GGT1: variants seen among roughly 807,000 people sequenced by gnomAD.
GGT1 encodes glutathione hydrolase 1 proenzyme.
In GGT1, 21 loss-of-function variants were observed where a neutral mutation model predicts 56.0. That is an observed-to-expected ratio of 0.38 (90% confidence interval 0.27 to 0.54). GGT1 has a LOEUF of 0.54. GGT1 is among the 20% of genes least tolerant of loss of function. The pLI is 0.82. For missense variants in GGT1, 466 were observed against 787.0 expected (o/e 0.59, Z 4.88); for synonymous variants, 238 against 342.6 (o/e 0.69, Z 3.37).
chr22:24,622,436 C>T (rs188573742), intron 9 of GGT1, among the ~76,000 whole-genome samples: 4 of 151,484 alleles, frequency 2.6e-5, no homozygotes, highest in Admixed American at 6.6e-5. Context: ...TGGTGGCGGG[C>T]GCCTGCAGTC....
At chr22:24,608,072 C>G in intron 2 of GGT1, 49 bp downstream of exon 2, 1 of 461,486 alleles carries the variant, frequency 2.2e-6, no homozygotes, top group Non-Finnish European at 4.5e-6. Flanking sequence ...TGAGGCCAAC[C>G]ATGGCAGCTG....
At position 24,628,229 on chromosome 22, in the gene GGT1, C is replaced by T. The variant is rs746459765; in HGVS notation, c.1449+36C>T. ...CACCTTTTCTCCCTGGCCGTGCCCA[C>T]CCTGCACAGCCCCCAAGCCATGCTG... On this transcript the variant is annotated intron_variant, in intron 14 of 15. Transcript: ENST00000400382. This position sits in a 1 kb window ranked among gnomAD's most constrained non-coding sequence, Gnocchi z 5.7. The T allele has an allele frequency of 5.0e-5, 80 of 1,612,016 alleles. No individual in the cohort carries two copies. The Middle Eastern group carries it at 6.8e-4, about 14-fold the overall frequency.
chr22:24,585,958 G>A, the GGT1 span: 10 of 1,609,462 alleles, frequency 6.2e-6, no homozygotes, highest in African/African-American at 5.3e-5. Context: ...AGGCAGGGGT[G>A]GTGGCCCCGG....
chr22:24,625,602 C>T (rs1329562505), intron 11 of GGT1, among the ~76,000 whole-genome samples: 5 of 151,344 alleles, frequency 3.3e-5, no homozygotes, highest in African/African-American at 4.9e-5. Flanking sequence ...AGTGCAGTGG[C>T]GCTATCTCGG....
intron 7 of GGT1, among the ~76,000 whole-genome samples, chr22:24,615,330 T>G (rs1417944838): frequency 1.3e-5 from 2 of 152,180 alleles, no homozygotes; most frequent in African/African-American, 2.4e-5. Flanking sequence ...TTCTGTTATT[T>G]CTGCTAAGGC....
At chr22:24,593,001 A>C (rs1482138408), upstream of GGT1, 4 of 1,136,242 alleles carry the variant, frequency 3.5e-6, no homozygotes, top group Non-Finnish European at 4.3e-6. Flanking sequence ...CCTCAGAGCC[A>C]GCCTCGGGCC....
At chr22:24,592,606 T>C, upstream of GGT1, 1 of 523,496 alleles carries the variant, frequency 1.9e-6, no homozygotes, top group Non-Finnish European at 3.3e-6. Flanking sequence ...CCGGACACAC[T>C]CAGCAGCCCC....
chr22:24,589,646 G>A, the GGT1 span: 3 of 735,806 alleles, frequency 4.1e-6, no homozygotes, highest in Admixed American at 3.4e-5. Context: ...GCTCTAGCTG[G>A]TGGCCAGCCT....
chr22:24,620,074 A>G lies in GGT1; in HGVS notation c.383-254A>G, dbSNP rs539058475. ...TAAAAATTAAAAATCCCCTTCTGCT[A>G]GGTGTGCTGTTCACGCCTGTAATCT... On this transcript the variant is annotated intron_variant, in intron 7 of 15. Transcript: ENST00000400382. This position sits in a 1 kb window ranked among gnomAD's most constrained non-coding sequence, Gnocchi z 5.6. 0.027 allele frequency among the ~76,000 whole-genome samples: 4,156 copies of G among 152,036 alleles called. 196 individuals are homozygous for G. The highest frequency in any genetic ancestry group is 0.095 in the African/African-American group (3,942 of 41,476).
upstream of GGT1, among the ~76,000 whole-genome samples, chr22:24,600,515 C>G (rs1367421859): frequency 1.3e-5 from 2 of 152,186 alleles, no homozygotes; most frequent in Non-Finnish European, 2.9e-5. Flanking sequence ...TCTGAAGGGC[C>G]CACGCACTTG....
the GGT1 span, chr22:24,588,423 T>G: frequency 1.0e-6 from 1 of 981,768 alleles, no homozygotes; most frequent in Non-Finnish European, 1.6e-6. Flanking sequence ...AGTGTGTGTG[T>G]GAGCACAGTC....
At chr22:24,595,833 G>A (rs1322832443) in intron 1 of GGT1, among the ~76,000 whole-genome samples, 1 of 152,232 alleles carries the variant, frequency 6.6e-6, no homozygotes, top group Non-Finnish European at 1.5e-5. Context: ...GCCTTGCACT[G>A]CCTCTGGGCC....
chr22:24,600,579 G>A (rs2045766289), upstream of GGT1, among the ~76,000 whole-genome samples: 1 of 152,270 alleles, frequency 6.6e-6, no homozygotes, highest in Admixed American at 6.5e-5. Context: ...AATAACAAAT[G>A]CTACAAATGG....
chr22:24,588,138 G>A, the GGT1 span: 1 of 1,145,154 alleles, frequency 8.7e-7, no homozygotes, highest in Non-Finnish European at 1.3e-6. Flanking sequence ...CAGCCTCTTG[G>A]TGAGAGTGCA....
At position 24,609,955 on chromosome 22, in the gene GGT1, C is replaced by T. The variant is rs1188911162; in HGVS notation, c.-358-10C>T. On this transcript the variant is annotated splice_polypyrimidine_tract_variant and intron_variant, in intron 2 of 15. Transcript: ENST00000400382. ...AGTCTAACCTACTCTATTCACAACA[C>T]TCCCAGCAGCAAGGCAAGTGAGGTG... The T allele has an allele frequency of 4.3e-6, 2 of 465,970 alleles. No homozygotes were observed. The highest frequency in any genetic ancestry group is 3.1e-5 in the South Asian group (2 of 64,112). 28.9% of individuals were successfully genotyped at this position (465,970 alleles called of 1,614,324 possible). A position where few individuals can be genotyped will look rare whatever the true frequency, so the allele number is the denominator to read the frequency against.
At position 24,628,624 on chromosome 22, in the gene GGT1, G is replaced by C; in HGVS notation, c.1564-69G>C. 2 of 1,610,864 alleles carry C rather than the reference G, an allele frequency of 1.2e-6. No homozygotes were observed. The highest frequency in any genetic ancestry group is 1.7e-6 in the Non-Finnish European group (2 of 1,179,826). On this transcript the variant is annotated intron_variant, in intron 15 of 15. Transcript: ENST00000400382. The surrounding 1 kb of genome is among the most constrained non-coding windows in gnomAD (Gnocchi z 5.7). ...TGGCACCACCTGGGCTGAGGCCTGTGACCACACAGATGTGGTTCAGGTGGC... is the reference window on the plus strand; with the variant it reads ...TGGCACCACCTGGGCTGAGGCCTGTCACCACACAGATGTGGTTCAGGTGGC...
chr22:24,622,331 G>A (rs1446885983), intron 9 of GGT1, among the ~76,000 whole-genome samples: 1 of 152,156 alleles, frequency 6.6e-6, no homozygotes. Flanking sequence ...TTGAGAGGCC[G>A]AGGCGTGTGG....
intron 5 of GGT1, among the ~76,000 whole-genome samples, chr22:24,613,544 GT>G (rs1420682301): frequency 6.6e-6 from 1 of 152,040 alleles, no homozygotes; most frequent in Non-Finnish European, 1.5e-5. Flanking sequence ...GAGGTCAGGA[GT>G]TCGAGACCAG....
chr22:24,604,047 G>A (rs1448804909), intron 1 of GGT1, among the ~76,000 whole-genome samples: 2 of 152,122 alleles, frequency 1.3e-5, no homozygotes, highest in Non-Finnish European at 2.9e-5. Flanking sequence ...TGTGCCGCAA[G>A]GGTGGAAACT....
Sources: allele counts gnomAD v4.1 joint callset (sites outside exome capture counted in the v4.1 genomes callset), GRCh38; gene constraint gnomAD v4.1.1; non-coding constraint Gnocchi (gnomAD v3.1); transcripts MANE v1.5; gene names NCBI Gene and HGNC (gene_info 2026-07-23, HGNC 2026-07-21).